DNM3: variants seen among roughly 807,000 people sequenced by gnomAD.
DNM3 encodes the protein dynamin 3.
Under a neutral mutation model 101.6 loss-of-function variants are expected in DNM3, and 47 were observed. That is an observed-to-expected ratio of 0.46 (90% CI 0.37 to 0.59). The LOEUF is 0.59. Among genes scored for constraint, DNM3 ranks in the 20% least tolerant of loss-of-function variants. The pLI, the probability that DNM3 is intolerant of heterozygous loss-of-function variation, is 0.00. For missense variants in DNM3, 849 were observed against 1,085.7 expected (o/e 0.78, Z 3.06); for synonymous variants, 385 against 387.9 (o/e 0.99, Z 0.09).
intron 4 of DNM3, among the ~76,000 whole-genome samples, chr1:172,026,006 C>T (rs1265352147): frequency 6.6e-6 from 1 of 152,068 alleles, no homozygotes; most frequent in Non-Finnish European, 1.5e-5. Flanking sequence ...TAACAAACTC[C>T]TCTGAGCTAA....
chr1:171,942,524 A>G (rs927459530), intron 2 of DNM3, among the ~76,000 whole-genome samples: 22 of 152,188 alleles, frequency 1.4e-4, no homozygotes, highest in African/African-American at 5.3e-4. Flanking sequence ...TGAAAATTTC[A>G]TTCATTCATT....
chr1:172,020,564 C>CA (rs890717424), intron 4 of DNM3, among the ~76,000 whole-genome samples: 16 of 149,838 alleles, frequency 1.1e-4, no homozygotes, highest in South Asian at 4.2e-4. Context: ...ACTAAAAATA[C>CA]AAAAAAAAAT....
intron 11 of DNM3, among the ~76,000 whole-genome samples, chr1:172,071,086 C>A (rs866775924): frequency 1.5e-5 from 1 of 65,082 alleles, no homozygotes; most frequent in African/African-American, 7.7e-5. Flanking sequence ...CAAGACCCTG[C>A]ATATATATAT....
At chr1:172,323,563 C>T (rs1231577241) in intron 17 of DNM3, among the ~76,000 whole-genome samples, 4 of 152,162 alleles carry the variant, frequency 2.6e-5, no homozygotes, top group Non-Finnish European at 5.9e-5. Context: ...CCTTCAGGGT[C>T]TAATGGCTAG....
At chr1:172,373,571 T>C (rs1461822516) in intron 17 of DNM3, among the ~76,000 whole-genome samples, 1 of 152,140 alleles carries the variant, frequency 6.6e-6, no homozygotes, top group Non-Finnish European at 1.5e-5. Context: ...TTATTATAAA[T>C]GCAGCCATAG....
intron 14 of DNM3, among the ~76,000 whole-genome samples, chr1:172,216,880 A>AT (rs1390269067): frequency 6.6e-6 from 1 of 151,910 alleles, no homozygotes; most frequent in Non-Finnish European, 1.5e-5. Context: ...CCACCTAGAG[A>AT]TTTTCCCTCT....
intron 4 of DNM3, among the ~76,000 whole-genome samples, chr1:172,029,102 A>G (rs1283622422): frequency 1.3e-5 from 2 of 152,232 alleles, no homozygotes; most frequent in African/African-American, 4.8e-5. Context: ...TGGAGACACA[A>G]TAAAAAAAGA....
intron 1 of DNM3, among the ~76,000 whole-genome samples, chr1:171,915,014 C>G (rs2039606136): frequency 6.6e-6 from 1 of 152,088 alleles, no homozygotes; most frequent in Admixed American, 6.6e-5. Context: ...GACACGAAGT[C>G]TAAGAGCACA....
intron 4 of DNM3, among the ~76,000 whole-genome samples, chr1:172,027,733 C>T (rs763855403): frequency 1.3e-5 from 2 of 151,698 alleles, no homozygotes; most frequent in African/African-American, 4.9e-5. Context: ...AGGATATTTA[C>T]CAAGGAAATG....
At chr1:172,231,114 A>G (rs1469026579) in intron 14 of DNM3, among the ~76,000 whole-genome samples, 1 of 151,198 alleles carries the variant, frequency 6.6e-6, no homozygotes, top group African/African-American at 2.4e-5. Flanking sequence ...CCAAACTTGG[A>G]TATCCAACTA....
intron 2 of DNM3, among the ~76,000 whole-genome samples, chr1:171,941,520 C>A (rs2041815010): frequency 6.6e-6 from 1 of 152,080 alleles, no homozygotes; most frequent in Non-Finnish European, 1.5e-5. Context: ...GAGAATACTC[C>A]CCCTCAGGAA....
At chr1:171,955,550 A>G (rs573017845) in intron 2 of DNM3, among the ~76,000 whole-genome samples, 43 of 152,338 alleles carry the variant, frequency 2.8e-4, no homozygotes, top group Middle Eastern at 3.4e-3. Context: ...GCTATTATCT[A>G]TATCTTTATA....
At chr1:172,116,761 G>C (rs1156421991) in intron 13 of DNM3, among the ~76,000 whole-genome samples, 1 of 152,222 alleles carries the variant, frequency 6.6e-6, no homozygotes, top group East Asian at 1.9e-4. Flanking sequence ...AGAAGAATGT[G>C]CATTGTGTAC....
chr1:171,944,702 T>C (rs1457858472), intron 2 of DNM3, among the ~76,000 whole-genome samples: 1 of 151,990 alleles, frequency 6.6e-6, no homozygotes, highest in South Asian at 2.1e-4. Context: ...TACAATTAAA[T>C]TTTTGTTAAT....
At chr1:171,949,959 C>T (rs1238221211) in intron 2 of DNM3, among the ~76,000 whole-genome samples, 3 of 152,112 alleles carry the variant, frequency 2.0e-5, no homozygotes, top group African/African-American at 7.2e-5. Context: ...ATGCATTTGT[C>T]CTCACAACAA....
At chr1:171,935,372 A>G (rs2041326493) in intron 2 of DNM3, among the ~76,000 whole-genome samples, 1 of 152,214 alleles carries the variant, frequency 6.6e-6, no homozygotes, top group Non-Finnish European at 1.5e-5. Context: ...ATCACGTAGT[A>G]TTGTGAGAAA....
chr1:172,164,400 A>G (rs954624422), intron 14 of DNM3, among the ~76,000 whole-genome samples: 10 of 151,588 alleles, frequency 6.6e-5, no homozygotes, highest in African/African-American at 9.7e-5. Context: ...CACTTCCCCT[A>G]TGGTTGCTGA....
intron 11 of DNM3, among the ~76,000 whole-genome samples, chr1:172,076,883 A>G (rs1241607282): frequency 1.3e-5 from 2 of 152,302 alleles, no homozygotes; most frequent in South Asian, 4.1e-4. Context: ...TAGTTTCAGA[A>G]GGAATAGTAC....
chr1:172,061,299 A>G (rs888090213), intron 10 of DNM3, among the ~76,000 whole-genome samples: 1 of 145,352 alleles, frequency 6.9e-6, no homozygotes, highest in African/African-American at 2.6e-5. Flanking sequence ...GCGATTCCTC[A>G]GGGATCTAGA....
Sources: gnomAD v4.1 joint callset for allele counts (sites outside exome capture counted in the v4.1 genomes callset) on GRCh38, gnomAD v4.1.1 for gene constraint, MANE v1.5 for transcripts, NCBI Gene and HGNC (gene_info 2026-07-23, HGNC 2026-07-21) for gene names.